HTR1E: variants seen among roughly 807,000 people sequenced by gnomAD.
HTR1E encodes 5-HT-1E.
In HTR1E, 3 loss-of-function variants were observed where a neutral mutation model predicts 3.4. The ratio of observed to expected loss-of-function variants is 0.89; its 90% CI spans 0.41 to 2.31. The LOEUF (loss-of-function observed/expected upper bound fraction) is 2.31, where lower values mean the gene tolerates loss of function less well. Among genes scored for constraint, HTR1E ranks in the 30% most tolerant of loss-of-function variants. The probability of loss-of-function intolerance (pLI) is 0.05; values close to 1 mark genes in which losing one functional copy is unlikely to be tolerated. For missense variants in HTR1E, 392 were observed against 467.0 expected, an observed-to-expected ratio of 0.84 and a Z score of 1.48; for synonymous variants, 170 against 182.8, an observed-to-expected ratio of 0.93 and a Z score of 0.56.
intron 1 of HTR1E, among the ~76,000 whole-genome samples, chr6:86,973,223 G>A (rs963346721): frequency 6.6e-6 from 1 of 152,066 alleles, no homozygotes; most frequent in Non-Finnish European, 1.5e-5. Context: ...CTCCTTGTCT[G>A]GAAGCTGGAA....
chr6:87,010,680 A>C (rs1446308513), intron 1 of HTR1E, among the ~76,000 whole-genome samples: 1 of 146,022 alleles, frequency 6.8e-6, no homozygotes, highest in East Asian at 2.1e-4. Flanking sequence ...AGCCAGGCAG[A>C]GGGGCTCCTC....
At chr6:86,976,619 A>C (rs12210954) in intron 1 of HTR1E, among the ~76,000 whole-genome samples, 3,193 of 152,312 alleles carry the variant, frequency 0.021, 46 homozygotes, top group Non-Finnish European at 0.028. Flanking sequence ...TTGAAGAAAA[A>C]TATTGATATG....
At chr6:87,008,672 G>C (rs1251056855) in intron 1 of HTR1E, among the ~76,000 whole-genome samples, 1 of 152,172 alleles carries the variant, frequency 6.6e-6, no homozygotes, top group Non-Finnish European at 1.5e-5. Context: ...TAGGTTCACA[G>C]GCACTAATTT....
intron 1 of HTR1E, among the ~76,000 whole-genome samples, chr6:86,997,956 T>C (rs1397198941): frequency 6.6e-6 from 1 of 151,970 alleles, no homozygotes. Context: ...ATATTAATAT[T>C]ATACAAACTA....
At chr6:87,002,074 A>T (rs896771287) in intron 1 of HTR1E, among the ~76,000 whole-genome samples, 8 of 152,236 alleles carry the variant, frequency 5.3e-5, no homozygotes, top group Admixed American at 3.3e-4. Flanking sequence ...GGATATAACA[A>T]TTGTAAATAT....
intron 1 of HTR1E, among the ~76,000 whole-genome samples, chr6:86,982,016 G>GC (rs1400449504): frequency 1.3e-5 from 2 of 152,150 alleles, no homozygotes; most frequent in Admixed American, 6.5e-5. Context: ...CTCCACATGT[G>GC]CCTCTAGCAA....
chr6:87,010,517 G>A (rs1300705811), intron 1 of HTR1E, among the ~76,000 whole-genome samples: 3 of 143,350 alleles, frequency 2.1e-5, no homozygotes, highest in Non-Finnish European at 3.1e-5. Context: ...ATGGGGCGGC[G>A]GGGCAGAGGC....
In HTR1E at chr6:87,015,250, T is replaced by A; in HGVS notation, c.-85T>A. ...GAACAAATTATAGCCTCCTTACAAG[T>A]GAGAAACCTTCGAGGCTACATAGTT... is the stretch of plus-strand genomic sequence containing the variant. On this transcript the variant is annotated 5_prime_UTR_variant, in exon 2 of 2. Transcript: ENST00000305344. The A allele has an allele frequency of 8.0e-7, 1 of 1,251,400 alleles. No homozygotes were observed. The highest frequency in any genetic ancestry group is 1.1e-6 in the Non-Finnish European group (1 of 926,780). The allele number at this position is 1,251,400 out of a possible 1,614,324, so 77.5% of individuals were successfully genotyped here.
At chr6:87,009,096 G>T (rs1582284077) in intron 1 of HTR1E, among the ~76,000 whole-genome samples, 1 of 149,222 alleles carries the variant, frequency 6.7e-6, no homozygotes, top group Non-Finnish European at 1.5e-5. Flanking sequence ...TAATTCTTGG[G>T]TGTTTCTCAC....
At chr6:86,976,919 T>C (rs1455175939) in intron 1 of HTR1E, among the ~76,000 whole-genome samples, 1 of 152,202 alleles carries the variant, frequency 6.6e-6, no homozygotes, top group Non-Finnish European at 1.5e-5. Flanking sequence ...TGAAACACAA[T>C]AAAACTTAAG....
chr6:86,990,986 T>C (rs1767863594), intron 1 of HTR1E, among the ~76,000 whole-genome samples: 1 of 152,170 alleles, frequency 6.6e-6, no homozygotes, highest in Non-Finnish European at 1.5e-5. Context: ...CCACCAGTAA[T>C]GTCAAGTGAA....
chr6:86,971,388 C>T (rs963114947), intron 1 of HTR1E, among the ~76,000 whole-genome samples: 2 of 152,170 alleles, frequency 1.3e-5, no homozygotes, highest in African/African-American at 4.8e-5. Flanking sequence ...AAACCATGAA[C>T]TCTCTAAACT....
In HTR1E at chr6:87,016,134, C is replaced by A. The variant is rs139041540; in HGVS notation, c.800C>A (p.Pro267His). The A allele has an allele frequency of 3.3e-4, 532 of 1,614,186 alleles. 1 individual carries two copies. In the African/African-American group the frequency reaches 4.7e-3, roughly 14 times the overall value. The change falls in exon 2 of 2, where the codon CCC becomes CAC. Residue 267 changes from proline (P) to histidine (H), a missense_variant. Physicochemically the swap from Pro to His is moderately conservative, Grantham distance 77 (BLOSUM62 -2). Around this residue, in one of 3 missense-constraint regions of HTR1E, gnomAD observed 178 missense variants for 164.9 expected, o/e 1.08. Transcript: ENST00000305344. The part of the protein sequence containing the change: ...EKFHASIRIP[P>H]FDNDLDHPGE... ...TTCCATGCCTCCATCAGGATCCCCC[C>A]CTTCGACAATGATCTAGATCACCCA...
intron 1 of HTR1E, among the ~76,000 whole-genome samples, chr6:86,998,915 T>C (rs957538510): frequency 4.6e-5 from 7 of 152,074 alleles, no homozygotes; most frequent in Non-Finnish European, 1.0e-4. Flanking sequence ...TAAAAGGATA[T>C]GAAAGGAATA....
chr6:86,989,185 C>A (rs943370312), intron 1 of HTR1E, among the ~76,000 whole-genome samples: 3 of 152,172 alleles, frequency 2.0e-5, no homozygotes, highest in African/African-American at 7.2e-5. Flanking sequence ...CACCACACTG[C>A]CTCCCAGATG....
chr6:87,003,987 C>G (rs1768066360), intron 1 of HTR1E, among the ~76,000 whole-genome samples: 1 of 152,102 alleles, frequency 6.6e-6, no homozygotes, highest in African/African-American at 2.4e-5. Context: ...CAATTATATG[C>G]CAATAAACTG....
At chr6:87,005,686 A>AG (rs1768092935) in intron 1 of HTR1E, among the ~76,000 whole-genome samples, 1 of 152,194 alleles carries the variant, frequency 6.6e-6, no homozygotes, top group Non-Finnish European at 1.5e-5. Flanking sequence ...CTGGACAAAG[A>AG]TTTCTTGAGA....
Position 86,972,271 on chromosome 6 carries a change from T to G in HTR1E, c.-186+34448T>G, listed in dbSNP as rs180802211. ...TTCTGTCAGTAAAATGTATTAAAAA[T>G]TCTTTATGCATTTTTTCATCCCTTA... On this transcript the variant is annotated intron_variant, in intron 1 of 1. Transcript: ENST00000305344. Among the ~76,000 whole-genome samples, 338 of 152,296 alleles carry G rather than the reference T, an allele frequency of 2.2e-3. 8 individuals carry two copies. Among genetic ancestry groups the G allele is most frequent in the South Asian group, 0.021 (102 of 4,830 alleles).
chr6:86,966,148 G>GA (rs1278831909), intron 1 of HTR1E, among the ~76,000 whole-genome samples: 9 of 147,992 alleles, frequency 6.1e-5, no homozygotes, highest in African/African-American at 1.2e-4. Flanking sequence ...TTCAGACTCC[G>GA]AAAAAAAAAT....
Sources: gnomAD v4.1 joint callset for allele counts (sites outside exome capture counted in the v4.1 genomes callset) on GRCh38, gnomAD v4.1.1 for gene constraint, gnomAD v4.1.1 regional missense constraint, MANE v1.5 for transcripts, NCBI Gene and HGNC (gene_info 2026-07-23, HGNC 2026-07-21) for gene names.